Variants in TRAPPC8 observed in about 807,000 individuals in gnomAD.
The protein encoded by TRAPPC8 is trafficking protein particle complex subunit 8.
In TRAPPC8, 54 loss-of-function variants were observed where a neutral mutation model predicts 174.3. The observed-to-expected ratio is 0.31, with a 90% CI of 0.25 to 0.39. The LOEUF (loss-of-function observed/expected upper bound fraction) is 0.39. Among genes scored for constraint, TRAPPC8 ranks in the 10% least tolerant of loss-of-function variants. The pLI, the probability that TRAPPC8 is intolerant of heterozygous loss-of-function variation, is 1.00. For missense variants in TRAPPC8, 1,531 were observed against 1,699.1 expected (o/e 0.90, Z 1.74); for synonymous variants, 630 against 579.9 (o/e 1.09, Z -1.24).
chr18:31,868,875 A>T (rs2034710029), intron 16 of TRAPPC8, among the ~76,000 whole-genome samples: 1 of 151,948 alleles, frequency 6.6e-6, no homozygotes, highest in African/African-American at 2.4e-5. Context: ...GCTAATTTTT[A>T]AATTTTTGTA....
chr18:31,933,098 G>C (rs368456801), intron 1 of TRAPPC8, among the ~76,000 whole-genome samples: 2 of 150,798 alleles, frequency 1.3e-5, no homozygotes, highest in South Asian at 2.1e-4. Flanking sequence ...TCAGGAGACC[G>C]AGACCATCCT....
At chr18:31,928,795 GA>G (rs1167139840) in intron 2 of TRAPPC8, among the ~76,000 whole-genome samples, 1 of 152,144 alleles carries the variant, frequency 6.6e-6, no homozygotes, top group Non-Finnish European at 1.5e-5. Context: ...GCACACAGCA[GA>G]AATCAATAAA....
At chr18:31,888,790 G>A (rs2035834024) in intron 12 of TRAPPC8, among the ~76,000 whole-genome samples, 1 of 152,164 alleles carries the variant, frequency 6.6e-6, no homozygotes, top group African/African-American at 2.4e-5. Flanking sequence ...AAAGCATCAG[G>A]AAAAAGAGTT....
chr18:31,934,870 G>A (rs1356265726), intron 1 of TRAPPC8, among the ~76,000 whole-genome samples: 2 of 151,196 alleles, frequency 1.3e-5, no homozygotes, highest in Non-Finnish European at 3.0e-5. Context: ...TCACACTACT[G>A]CACTCCAGCC....
intron 13 of TRAPPC8, chr18:31,873,952 T>C (rs1210950390): frequency 5.7e-6 from 1 of 174,174 alleles, no homozygotes; most frequent in Non-Finnish European, 1.2e-5. Flanking sequence ...GGAAAAAATT[T>C]ACAACTTCCC....
intron 1 of TRAPPC8, among the ~76,000 whole-genome samples, chr18:31,934,111 C>A (rs1278798930): frequency 6.6e-6 from 1 of 151,884 alleles, no homozygotes; most frequent in Non-Finnish European, 1.5e-5. Context: ...TCACTTGAAA[C>A]CAGGAGGCAG....
At chr18:31,872,031 A>G (rs2034890420) in intron 14 of TRAPPC8, among the ~76,000 whole-genome samples, 1 of 152,080 alleles carries the variant, frequency 6.6e-6, no homozygotes, top group Non-Finnish European at 1.5e-5. Context: ...TTATACAGAC[A>G]TATTTTCTTG....
At position 31,839,856 on chromosome 18, in the gene TRAPPC8, T is replaced by C. The variant is rs1315203044; in HGVS notation, c.3838-399A>G. Among the ~76,000 whole-genome samples the C allele has an allele frequency of 2.6e-5, 4 of 152,224 alleles. No individual in the cohort carries two copies. The East Asian group carries it at 7.7e-4, about 29-fold the overall frequency. On this transcript the variant is annotated intron_variant, in intron 26 of 28. Coordinates refer to ENST00000283351, the MANE Select transcript of TRAPPC8 (RefSeq NM_014939.5). ...TGCACAGGACTTAGGACTGCAGACA[T>C]TCGATTGCATAGCACCTATTTTAAT...
In TRAPPC8 at chr18:31,875,187, CAAAG is replaced by C. The variant is rs982885851; in HGVS notation, c.1729-487_1729-484del. Among the ~76,000 whole-genome samples the C allele has an allele frequency of 2.6e-5, 4 of 151,996 alleles. 1 individual carries two copies. The highest frequency in any genetic ancestry group is 2.0e-4 in the Admixed American group (3 of 15,270). On this transcript the variant is annotated intron_variant, in intron 12 of 28. Coordinates refer to ENST00000283351, the MANE Select transcript of TRAPPC8 (RefSeq NM_014939.5). Reference sequence around the variant, plus strand: ...TTTAACTAGAAGCATGCTATGTCTACAAAGAGTTTCTCCATATTAAGTAAAACAA... The same window carrying C: ...TTTAACTAGAAGCATGCTATGTCTACAGTTTCTCCATATTAAGTAAAACAA...
intron 2 of TRAPPC8, chr18:31,926,565 G>C (rs1478771851): frequency 6.6e-6 from 1 of 151,868 alleles, no homozygotes. Context: ...GCCTCAAGCA[G>C]CTGGGATTAC....
chr18:31,937,437 G>T (rs574151805), intron 1 of TRAPPC8: 1 of 151,326 alleles, frequency 6.6e-6, no homozygotes, highest in African/African-American at 2.4e-5. Flanking sequence ...GGCTGATGAG[G>T]GAGGATATTT....
chr18:31,853,896 C>T lies in TRAPPC8; in HGVS notation c.3386G>A (p.Ser1129Asn). The T allele has an allele frequency of 6.2e-7, 1 of 1,611,566 alleles. No homozygotes were observed. Among genetic ancestry groups the T allele is most frequent in the Middle Eastern group, 1.7e-4 (1 of 6,054 alleles). ...AGATTTCTGTAACTTCCAGTGTTTG[C>T]TACTACTTGATACTTGCACTATGTG... ...EFHIVQVSSS[S>N]KHWKLQKSVN... The change falls in exon 22 of 29, where the codon AGC (serine) becomes AAC (asparagine). Residue 1129 changes from serine to asparagine, a missense_variant. Transcript: ENST00000283351.
At chr18:31,888,272 G>A (rs1369202469) in intron 12 of TRAPPC8, among the ~76,000 whole-genome samples, 10 of 152,178 alleles carry the variant, frequency 6.6e-5, no homozygotes, top group African/African-American at 2.2e-4. Context: ...GGTGGCTCAC[G>A]CCTGTAATCC....
chr18:31,835,202 A>T (rs1012818928), intron 27 of TRAPPC8, among the ~76,000 whole-genome samples: 1 of 152,180 alleles, frequency 6.6e-6, no homozygotes, highest in African/African-American at 2.4e-5. Flanking sequence ...TTTGAGGTAA[A>T]GATGAAGCAT....
chr18:31,914,233 G>A (rs1447001684), intron 4 of TRAPPC8, among the ~76,000 whole-genome samples: 2 of 146,214 alleles, frequency 1.4e-5, no homozygotes, highest in African/African-American at 5.0e-5. Flanking sequence ...TAAGCAACAA[G>A]CCTAGCAAAC....
intron 26 of TRAPPC8, among the ~76,000 whole-genome samples, chr18:31,842,966 GT>G (rs781224315): frequency 2.6e-5 from 4 of 151,364 alleles, no homozygotes; most frequent in Admixed American, 1.3e-4. Context: ...CCATTACATA[GT>G]TTTTTTTTAT....
At position 31,866,935 on chromosome 18, in the gene TRAPPC8, T is replaced by C. The variant is rs577590061; in HGVS notation, c.2504A>G (p.His835Arg). ...KLFPHHIGEL[H>R]ILGVVYNLGT... ...AAGATTATAAACAACTCCCAGAATA[T>C]GCAGCTCCCCTATGTGATGGGGAAA... Residue 835 changes from histidine to arginine, a missense_variant, in exon 18 of 29, where the codon CAT becomes CGT. Coordinates refer to ENST00000283351, the MANE Select transcript of TRAPPC8 (RefSeq NM_014939.5). The C allele has an allele frequency of 3.1e-6, 5 of 1,613,704 alleles. No individual in the cohort carries two copies. Among genetic ancestry groups the C allele is most frequent in the East Asian group, 2.2e-5 (1 of 44,790 alleles).
chr18:31,859,810 G>C (rs2034230137), intron 19 of TRAPPC8, among the ~76,000 whole-genome samples: 1 of 152,168 alleles, frequency 6.6e-6, no homozygotes, highest in African/African-American at 2.4e-5. Flanking sequence ...GAGGTCAGGA[G>C]TTTGAGACCA....
intron 2 of TRAPPC8, among the ~76,000 whole-genome samples, chr18:31,929,542 T>C (rs142603499): frequency 1.3e-5 from 2 of 152,062 alleles, no homozygotes; most frequent in East Asian, 1.9e-4. Context: ...AAAAAACATA[T>C]TAGCCTGGCA....
Sources: allele counts gnomAD v4.1 joint callset (sites outside exome capture counted in the v4.1 genomes callset), GRCh38; gene constraint gnomAD v4.1.1; transcripts MANE v1.5; gene names NCBI Gene and HGNC (gene_info 2026-07-23, HGNC 2026-07-21).